Variants in CTNNA3 observed in about 807,000 individuals in gnomAD.
CTNNA3 encodes catenin alpha 3, also known as catenin alpha-3.
A neutral mutation model predicts 95.7 loss-of-function variants in CTNNA3; 76 were observed. That is an observed-to-expected ratio of 0.79 (90% CI 0.66 to 0.96). CTNNA3 has a LOEUF of 0.96. CTNNA3 is among the 40% of genes least tolerant of loss of function. The probability of loss-of-function intolerance (pLI) is 0.00; values close to 1 mark genes in which losing one functional copy is unlikely to be tolerated. For missense variants in CTNNA3, 1,191 were observed against 1,089.8 expected (o/e 1.09, Z -1.31); for synonymous variants, 431 against 374.4 (o/e 1.15, Z -1.74).
At chr10:67,341,259 G>T (rs76453855) in intron 5 of CTNNA3, among the ~76,000 whole-genome samples, 9,347 of 152,008 alleles carry the variant, frequency 0.061, 390 homozygotes, top group Middle Eastern at 0.092. Context: ...TCACTCTGTT[G>T]TGCTGTCAAA....
chr10:67,524,395 CAAAAAAAAAAAAA>C (rs200850487), intron 4 of CTNNA3, among the ~76,000 whole-genome samples: 13 of 70,278 alleles, frequency 1.8e-4, no homozygotes, highest in Non-Finnish European at 2.6e-4. Context: ...GACTCTGTCT[CAAAAAAAAAAAAA>C]AAAAAAAAAA....
intron 12 of CTNNA3, among the ~76,000 whole-genome samples, chr10:66,360,597 TTC>T (rs1314034627): frequency 2.7e-5 from 1 of 36,906 alleles, no homozygotes; most frequent in Non-Finnish European, 6.2e-5. Context: ...TATTCTTTCC[TTC>T]TTTCTTTCTT....
intron 7 of CTNNA3, among the ~76,000 whole-genome samples, chr10:66,868,610 G>A (rs1844277129): frequency 6.6e-6 from 1 of 151,782 alleles, no homozygotes; most frequent in African/African-American, 2.4e-5. Context: ...AATTAGCCAG[G>A]CATAGGGGTG....
chr10:66,962,053 G>T (rs1849138557), intron 7 of CTNNA3, among the ~76,000 whole-genome samples: 1 of 152,090 alleles, frequency 6.6e-6, no homozygotes, highest in Admixed American at 6.6e-5. Flanking sequence ...CGTTATTCCT[G>T]TCTTGGTTTA....
chr10:66,122,292 C>T (rs928542069), intron 13 of CTNNA3, among the ~76,000 whole-genome samples: 1 of 151,856 alleles, frequency 6.6e-6, no homozygotes, highest in Non-Finnish European at 1.5e-5. Context: ...TACCTACTTC[C>T]CAAATTGAAA....
At chr10:66,115,936 T>C (rs2082326254) in intron 13 of CTNNA3, among the ~76,000 whole-genome samples, 1 of 152,160 alleles carries the variant, frequency 6.6e-6, no homozygotes. Flanking sequence ...TTTGGACATA[T>C]TATTCAAGGT....
intron 6 of CTNNA3, among the ~76,000 whole-genome samples, chr10:67,201,632 T>C (rs1863654317): frequency 6.6e-6 from 1 of 152,188 alleles, no homozygotes; most frequent in South Asian, 2.1e-4. Context: ...TGTTAACATA[T>C]AACTTGCATT....
intron 10 of CTNNA3, among the ~76,000 whole-genome samples, chr10:66,544,831 A>T (rs1356237074): frequency 6.6e-6 from 1 of 152,154 alleles, no homozygotes; most frequent in East Asian, 1.9e-4. Flanking sequence ...CATGGAAAAG[A>T]TAATGCATAT....
chr10:66,666,810 A>C (rs552552469), intron 9 of CTNNA3, among the ~76,000 whole-genome samples: 2 of 85,118 alleles, frequency 2.3e-5, no homozygotes, highest in Non-Finnish European at 4.5e-5. Flanking sequence ...GGGAAAAAAA[A>C]CTTACTTTTT....
intron 11 of CTNNA3, among the ~76,000 whole-genome samples, 175 bp from the exon 12 acceptor site, chr10:66,379,527 T>C (rs1408229253): frequency 2.0e-5 from 3 of 152,178 alleles, no homozygotes; most frequent in Non-Finnish European, 2.9e-5. Flanking sequence ...CCCTTTATTC[T>C]TTAATAGCAA....
chr10:67,181,481 A>G (rs1440564526), intron 6 of CTNNA3, among the ~76,000 whole-genome samples: 2 of 152,184 alleles, frequency 1.3e-5, no homozygotes, highest in Non-Finnish European at 2.9e-5. Flanking sequence ...AAGCTCTCTG[A>G]AGAACCCTTA....
intron 7 of CTNNA3, among the ~76,000 whole-genome samples, chr10:67,010,849 A>C (rs1220130624): frequency 3.9e-5 from 6 of 152,196 alleles, no homozygotes; most frequent in African/African-American, 1.4e-4. Context: ...TGTAGATACT[A>C]ATTAAATATT....
chr10:67,548,977 T>C (rs1003356262), intron 3 of CTNNA3, among the ~76,000 whole-genome samples: 5 of 151,932 alleles, frequency 3.3e-5, no homozygotes, highest in African/African-American at 4.8e-5. Flanking sequence ...AAAGAAAAAA[T>C]ACAAATGGTC....
chr10:67,474,116 G>T (rs1442728835), intron 5 of CTNNA3, among the ~76,000 whole-genome samples: 2 of 152,084 alleles, frequency 1.3e-5, no homozygotes, highest in Admixed American at 1.3e-4. Context: ...GGTCTTATAT[G>T]GAAAATGCTT....
chr10:66,515,330 T>TCTCTCTCTCG (rs1491573951), intron 11 of CTNNA3, among the ~76,000 whole-genome samples: 100 of 119,100 alleles, frequency 8.4e-4, no homozygotes, highest in African/African-American at 3.3e-3. Flanking sequence ...TCCCTCTCTG[T>TCTCTCTCTCG]CTCTCTCTCT....
intron 7 of CTNNA3, among the ~76,000 whole-genome samples, chr10:66,830,519 C>G (rs186290849): frequency 2.6e-5 from 4 of 152,292 alleles, no homozygotes; most frequent in Admixed American, 2.6e-4. Context: ...TCTGCTTCTA[C>G]TCGTGCTCCT....
At chr10:67,396,180 CAG>C (rs1844700083) in intron 5 of CTNNA3, among the ~76,000 whole-genome samples, 2 of 151,826 alleles carry the variant, frequency 1.3e-5, no homozygotes, top group African/African-American at 2.4e-5. Context: ...ATCAATTATT[CAG>C]AAAGGAAACA....
At chr10:66,593,108 T>G (rs1453245519) in intron 10 of CTNNA3, among the ~76,000 whole-genome samples, 1 of 152,154 alleles carries the variant, frequency 6.6e-6, no homozygotes, top group African/African-American at 2.4e-5. Flanking sequence ...TAATTTTCAA[T>G]GTGTGGGGCT....
At chr10:66,775,726 C>T (rs989783042) in intron 7 of CTNNA3, among the ~76,000 whole-genome samples, 1 of 152,112 alleles carries the variant, frequency 6.6e-6, no homozygotes, top group Non-Finnish European at 1.5e-5. Context: ...CATCTTTATG[C>T]TTCTGTAATA....
Sources: gnomAD v4.1 joint callset for allele counts (sites outside exome capture counted in the v4.1 genomes callset) on GRCh38, gnomAD v4.1.1 for gene constraint, MANE v1.5 for transcripts, NCBI Gene and HGNC (gene_info 2026-07-23, HGNC 2026-07-21) for gene names.